Variants in MLLT1 observed in about 807,000 individuals in gnomAD.
MLLT1 encodes MLLT1 super elongation complex subunit.
A neutral mutation model predicts 55.1 loss-of-function variants in MLLT1; 11 were observed. The ratio of observed to expected loss-of-function variants is 0.20; its 90% CI spans 0.13 to 0.33. The LOEUF (loss-of-function observed/expected upper bound fraction) is 0.33. Ranked by LOEUF, MLLT1 falls within the 10% of genes least tolerant of loss-of-function variation. The pLI, the probability that MLLT1 is intolerant of heterozygous loss-of-function variation, is 1.00. For missense variants in MLLT1, 536 were observed against 760.6 expected (o/e 0.70, Z 3.47); for synonymous variants, 323 against 320.1 (o/e 1.01, Z -0.10).
rs138618185 is a variant in MLLT1, at chr19:6,265,718, T to C, written c.194-3408A>G. 3.0e-4 allele frequency among the ~76,000 whole-genome samples: 46 copies of C among 151,722 alleles called. 1 individual carries two copies. In the East Asian group the frequency reaches 8.8e-3, roughly 29 times the overall value. On this transcript the variant is annotated intron_variant, in intron 2 of 11. Coordinates refer to ENST00000252674, the MANE Select transcript of MLLT1 (RefSeq NM_005934.4). ...GATCTTGGCCAGGTGCAATGGCTCATGCCTGTAATCTCAGCACTTTGGGAG... is the reference window on the plus strand; with the variant it reads ...GATCTTGGCCAGGTGCAATGGCTCACGCCTGTAATCTCAGCACTTTGGGAG...
At chr19:6,213,591 G>A (rs1423880795) in intron 10 of MLLT1, 135 bp downstream of exon 10, 1 of 1,025,480 alleles carries the variant, frequency 9.8e-7, no homozygotes, top group Non-Finnish European at 1.5e-6. Flanking sequence ...GGGAGGGGAG[G>A]AAGGACTGTC....
chr19:6,246,117 A>G (rs2091166020), intron 3 of MLLT1, among the ~76,000 whole-genome samples: 1 of 152,178 alleles, frequency 6.6e-6, no homozygotes, highest in African/African-American at 2.4e-5. Flanking sequence ...AAAAAAAAAA[A>G]AAGGAAAACA....
rs2091261440 is a variant in MLLT1, at chr19:6,256,884, T to C, written c.276+5344A>G. ...AGAGTCCAGTTTTAAACCCCAAATC[T>C]ATGGCCAGCTGATTTTCAACAACGC... On this transcript the variant is annotated intron_variant, in intron 3 of 11. Coordinates refer to ENST00000252674, the MANE Select transcript of MLLT1 (RefSeq NM_005934.4). This position sits in a 1 kb window ranked among gnomAD's most constrained non-coding sequence, Gnocchi z 4.1. 6.6e-6 allele frequency among the ~76,000 whole-genome samples: 1 copy of C among 152,158 alleles called. No homozygotes were observed.
At chr19:6,241,944 G>A (rs757346712) in intron 3 of MLLT1, among the ~76,000 whole-genome samples, 2 of 152,212 alleles carry the variant, frequency 1.3e-5, no homozygotes, top group African/African-American at 4.8e-5. Context: ...CTGGCGGAGC[G>A]CTCTATGGGC....
intron 1 of MLLT1, among the ~76,000 whole-genome samples, chr19:6,276,621 C>T (rs566729945): frequency 2.3e-4 from 35 of 152,230 alleles, no homozygotes; most frequent in African/African-American, 7.7e-4. Flanking sequence ...AATCTCTTTT[C>T]GGCATCTGCT....
At chr19:6,264,284 A>G (rs61349587) in intron 2 of MLLT1, among the ~76,000 whole-genome samples, 2,449 of 127,918 alleles carry the variant, frequency 0.019, 87 homozygotes, top group African/African-American at 0.065. Context: ...TTCCCTCTGG[A>G]GAAATTGAGA....
rs1272302143 is a variant in MLLT1, at chr19:6,235,492, G to A, written c.277-4779C>T. On this transcript the variant is annotated intron_variant, in intron 3 of 11. Transcript: ENST00000252674. The surrounding 1 kb of genome is among the most constrained non-coding windows in gnomAD (Gnocchi z 5.5). ...TAAGAAGGGCACCTGGGGAGGCGCA[G>A]CCAGACGGTACCAAAGCACTGGGAT... Among the ~76,000 whole-genome samples, 1 of 152,232 alleles carries A rather than the reference G, an allele frequency of 6.6e-6. No homozygotes were observed. The highest frequency in any genetic ancestry group is 2.4e-5 in the African/African-American group (1 of 41,460).
At chr19:6,224,091 A>C (rs2090931482) in intron 5 of MLLT1, among the ~76,000 whole-genome samples, 1 of 152,170 alleles carries the variant, frequency 6.6e-6, no homozygotes, top group Admixed American at 6.5e-5. Context: ...AAACCACCTG[A>C]GTGTCCAGGG....
intron 3 of MLLT1, among the ~76,000 whole-genome samples, chr19:6,243,646 C>T (rs1334028975): frequency 7.7e-6 from 1 of 129,374 alleles, no homozygotes; most frequent in African/African-American, 4.1e-5. Flanking sequence ...CAGCTCACCT[C>T]CCTCACACTC....
At chr19:6,220,709 G>A (rs2090889343) in intron 6 of MLLT1, among the ~76,000 whole-genome samples, 1 of 152,204 alleles carries the variant, frequency 6.6e-6, no homozygotes, top group African/African-American at 2.4e-5. Flanking sequence ...CCTGGCCTGG[G>A]ACTGCATGTC....
In MLLT1 at chr19:6,219,638, C is replaced by G. The variant is rs2090876061; in HGVS notation, c.1111-1597G>C. The stretch of plus-strand genomic sequence containing the variant: ...CCTCCCTTGACCTCCGGATGGAATC[C>G]CTGGGGCAGAGGGGTGGGCACCAAC... On this transcript the variant is annotated intron_variant, in intron 6 of 11. Coordinates refer to ENST00000252674, the MANE Select transcript of MLLT1 (RefSeq NM_005934.4). This position sits in a 1 kb window ranked among gnomAD's most constrained non-coding sequence, Gnocchi z 4.5. Among the ~76,000 whole-genome samples, 2 of 152,194 alleles carry G rather than the reference C, an allele frequency of 1.3e-5. No individual in the cohort carries two copies. The highest frequency in any genetic ancestry group is 2.9e-5 in the Non-Finnish European group (2 of 68,038).
At chr19:6,223,426 G>A (rs769734615) in intron 5 of MLLT1, among the ~76,000 whole-genome samples, 16 of 152,308 alleles carry the variant, frequency 1.1e-4, no homozygotes, top group Admixed American at 3.3e-4. Flanking sequence ...AGCTGGACTC[G>A]GGGGCTGATC....
rs1001152049 is a variant in MLLT1 at position 6,235,490 on chromosome 19, C to G, written c.277-4777G>C. Among the ~76,000 whole-genome samples the G allele has an allele frequency of 6.6e-6, 1 of 152,230 alleles. No individual in the cohort carries two copies. The highest frequency in any genetic ancestry group is 1.5e-5 in the Non-Finnish European group (1 of 68,032). On this transcript the variant is annotated intron_variant, in intron 3 of 11. Coordinates refer to ENST00000252674, the MANE Select transcript of MLLT1 (RefSeq NM_005934.4). The surrounding 1 kb of genome is among the most constrained non-coding windows in gnomAD (Gnocchi z 5.5). ...GCTAAGAAGGGCACCTGGGGAGGCG[C>G]AGCCAGACGGTACCAAAGCACTGGG...
intron 3 of MLLT1, among the ~76,000 whole-genome samples, chr19:6,242,229 A>G (rs560395683): frequency 6.6e-6 from 1 of 152,326 alleles, no homozygotes; most frequent in African/African-American, 2.4e-5. Flanking sequence ...TCCACTCTAC[A>G]GAGGGTGGCG....
Position 6,211,153 on chromosome 19 carries a change from G to A in MLLT1, c.*1889C>T, listed in dbSNP as rs991639313. 1 of 232,862 alleles carries A rather than the reference G, an allele frequency of 4.3e-6. No homozygotes were observed. Among genetic ancestry groups the A allele is most frequent in the Non-Finnish European group, 8.5e-6 (1 of 117,796 alleles). The allele number at this position is 232,862 out of a possible 1,614,324, so 14.4% of individuals were successfully genotyped here. A position where few individuals can be genotyped will look rare whatever the true frequency, so the allele number is the denominator to read the frequency against. On this transcript the variant is annotated 3_prime_UTR_variant, in exon 12 of 12. Coordinates refer to ENST00000252674, the MANE Select transcript of MLLT1 (RefSeq NM_005934.4). This position sits in a 1 kb window ranked among gnomAD's most constrained non-coding sequence, Gnocchi z 4.6. ...TGTGCGTAGAGCTCCCAGCAGCACG[G>A]GCCCCCGGTCAGCCCCCCTCAGGCC...
intron 3 of MLLT1, among the ~76,000 whole-genome samples, chr19:6,250,625 G>A (rs1047001778): frequency 3.3e-5 from 5 of 152,254 alleles, no homozygotes; most frequent in African/African-American, 1.2e-4. Context: ...TGGATTCAAC[G>A]GCCCCTGGCA....
Position 6,230,815 on chromosome 19 carries a change from C to T in MLLT1, c.277-102G>A. 7.0e-7 allele frequency: 1 copy of T among 1,423,592 alleles called. No individual in the cohort carries two copies. Among genetic ancestry groups the T allele is most frequent in the African/African-American group, 1.4e-5 (1 of 70,740 alleles). 88.2% of individuals were successfully genotyped at this position (1,423,592 alleles called of 1,614,324 possible). A position where few individuals can be genotyped will look rare whatever the true frequency, so the allele number is the denominator to read the frequency against. On this transcript the variant is annotated intron_variant, in intron 3 of 11. Transcript: ENST00000252674. This position sits in a 1 kb window ranked among gnomAD's most constrained non-coding sequence, Gnocchi z 9.0. ...TCCTCCCCTCTCCCTCACTGGGCCT[C>T]TGTTCCCCTCCCTCCGATTTGCGCC...
chr19:6,230,292 C>T lies in MLLT1; in HGVS notation c.420+278G>A, dbSNP rs1175044144. Among the ~76,000 whole-genome samples the T allele has an allele frequency of 2.6e-5, 4 of 152,210 alleles. No individual in the cohort carries two copies. Among genetic ancestry groups the T allele is most frequent in the South Asian group, 4.1e-4 (2 of 4,832 alleles). On this transcript the variant is annotated intron_variant, in intron 4 of 11. Coordinates refer to ENST00000252674, the MANE Select transcript of MLLT1 (RefSeq NM_005934.4). The surrounding 1 kb of genome is among the most constrained non-coding windows in gnomAD (Gnocchi z 9.0). ...CCCAGCCACGCGGTCAGACCAGCCT[C>T]GCGCCCATCCCTTCCCAGCACTTCC...
rs538718213 is a variant in MLLT1, at chr19:6,267,438, G to A, written c.193+3141C>T. On this transcript the variant is annotated intron_variant, in intron 2 of 11. Coordinates refer to ENST00000252674, the MANE Select transcript of MLLT1 (RefSeq NM_005934.4). ...AAAAATTCCACAGAATAAATGAAATGACTGAGAGAATGGGGGGAAAATGAA... is the reference window on the plus strand; with the variant it reads ...AAAAATTCCACAGAATAAATGAAATAACTGAGAGAATGGGGGGAAAATGAA... Among the ~76,000 whole-genome samples the A allele has an allele frequency of 9.2e-5, 14 of 151,518 alleles. No homozygotes were observed. In the East Asian group the frequency reaches 2.7e-3, roughly 29 times the overall value.
Sources: gnomAD v4.1 joint callset for allele counts (sites outside exome capture counted in the v4.1 genomes callset) on GRCh38, gnomAD v4.1.1 for gene constraint, Gnocchi (gnomAD v3.1) non-coding constraint, MANE v1.5 for transcripts, NCBI Gene and HGNC (gene_info 2026-07-23, HGNC 2026-07-21) for gene names.